Variants in RNF157 observed in about 807,000 individuals in gnomAD.
The protein encoded by RNF157 is ring finger protein 157, also known as E3 ubiquitin ligase RNF157.
In RNF157, 55 loss-of-function variants were observed where a neutral mutation model predicts 88.3. The observed-to-expected ratio is 0.62, with a 90% CI of 0.50 to 0.78. The LOEUF is 0.78. Among genes scored for constraint, RNF157 ranks in the 30% least tolerant of loss-of-function variants. The pLI is 0.00. For missense variants in RNF157, 788 were observed against 860.8 expected, an observed-to-expected ratio of 0.92 and a Z score of 1.06; for synonymous variants, 334 against 341.2, an observed-to-expected ratio of 0.98 and a Z score of 0.23.
intron 2 of RNF157, among the ~76,000 whole-genome samples, chr17:76,208,062 T>C (rs1283271039): frequency 6.6e-6 from 1 of 152,006 alleles, no homozygotes; most frequent in Non-Finnish European, 1.5e-5. Flanking sequence ...ACTAGAGGCA[T>C]GCACCACCAC....
At chr17:76,209,952 G>A (rs1014882097) in intron 2 of RNF157, among the ~76,000 whole-genome samples, 8 of 152,000 alleles carry the variant, frequency 5.3e-5, no homozygotes, top group Non-Finnish European at 7.4e-5. Context: ...TAGAGATGGG[G>A]TTTCACCACA....
At chr17:76,208,097 T>C (rs1457239279) in intron 2 of RNF157, among the ~76,000 whole-genome samples, 4 of 152,094 alleles carry the variant, frequency 2.6e-5, no homozygotes, top group Non-Finnish European at 5.9e-5. Flanking sequence ...TATCATTTTA[T>C]ATTTTGTAGA....
intron 2 of RNF157, among the ~76,000 whole-genome samples, chr17:76,211,712 G>A (rs984482240): frequency 2.0e-5 from 3 of 152,144 alleles, no homozygotes; most frequent in African/African-American, 7.2e-5. Context: ...ATGGAACAGG[G>A]GTCTCTAGGA....
intron 2 of RNF157, among the ~76,000 whole-genome samples, chr17:76,199,640 T>G (rs943904728): frequency 2.1e-4 from 32 of 150,808 alleles, no homozygotes; most frequent in African/African-American, 7.3e-4. Flanking sequence ...GTATAAACAC[T>G]GATTCAACTT....
At position 76,234,755 on chromosome 17, in the gene RNF157, T is replaced by C. The variant is rs113504427; in HGVS notation, c.88+5398A>G. Among the ~76,000 whole-genome samples the C allele has an allele frequency of 5.7e-3, 863 of 152,344 alleles. 7 individuals carry two copies. Among genetic ancestry groups the C allele is most frequent in the African/African-American group, 0.019 (807 of 41,580 alleles). On this transcript the variant is annotated intron_variant, in intron 1 of 18. Coordinates refer to ENST00000269391, the MANE Select transcript of RNF157 (RefSeq NM_052916.3). ...ATATGAGTTCCTTATATATTCTAGA[T>C]ACAAATTCTTGTCATACCTATGATT...
intron 2 of RNF157, among the ~76,000 whole-genome samples, chr17:76,204,398 C>T (rs1056781085): frequency 3.3e-4 from 50 of 152,180 alleles, no homozygotes; most frequent in African/African-American, 1.2e-3. Flanking sequence ...CTCGTAGAAC[C>T]TATCACAGTC....
intron 17 of RNF157, chr17:76,153,988 G>A: frequency 3.0e-6 from 1 of 329,072 alleles, no homozygotes; most frequent in Non-Finnish European, 5.7e-6. Flanking sequence ...GATGATGGGA[G>A]CTGCTTAGAG....
chr17:76,190,130 C>T (rs1315018697), intron 2 of RNF157, among the ~76,000 whole-genome samples: 1 of 151,438 alleles, frequency 6.6e-6, no homozygotes, highest in Non-Finnish European at 1.5e-5. Context: ...ACTTATTACC[C>T]TTACTTCTGT....
chr17:76,151,508 G>A (rs1247231023), intron 18 of RNF157, among the ~76,000 whole-genome samples: 1 of 152,228 alleles, frequency 6.6e-6, no homozygotes, highest in Non-Finnish European at 1.5e-5. Context: ...GAATGTTTAA[G>A]AGGATTCAAA....
intron 18 of RNF157, among the ~76,000 whole-genome samples, chr17:76,150,204 A>C (rs1427459097): frequency 6.6e-6 from 1 of 152,012 alleles, no homozygotes; most frequent in Non-Finnish European, 1.5e-5. Context: ...TCTGGTGAGG[A>C]TATAATGGGA....
chr17:76,205,723 C>CTAAATAAATAAATAAATAAA (rs35839727), intron 2 of RNF157, among the ~76,000 whole-genome samples: 116 of 146,816 alleles, frequency 7.9e-4, no homozygotes, highest in African/African-American at 2.5e-3. Context: ...GACTCCATCT[C>CTAAATAAATAAATAAATAAA]TAAATAAATA....
At chr17:76,180,917 C>A (rs1399396748) in intron 2 of RNF157, among the ~76,000 whole-genome samples, 4 of 152,176 alleles carry the variant, frequency 2.6e-5, no homozygotes, top group Non-Finnish European at 4.4e-5. Context: ...GCCCCTCTCA[C>A]CAGCCTGTAA....
chr17:76,166,236 A>G (rs1472042263), intron 6 of RNF157, among the ~76,000 whole-genome samples: 1 of 152,126 alleles, frequency 6.6e-6, no homozygotes, highest in African/African-American at 2.4e-5. Flanking sequence ...CGGCCTCCCA[A>G]ACTGCTGGGA....
intron 8 of RNF157, 137 bp downstream of exon 8, chr17:76,164,611 T>TA (rs370597314): frequency 0.038 from 15,065 of 397,602 alleles, 1 homozygote; most frequent in East Asian, 0.049. Context: ...CTTCTTTGAT[T>TA]AAAAAAAAAA....
Position 76,156,217 on chromosome 17 carries a change from G to C in RNF157, c.1518C>G (p.Ser506=), listed in dbSNP as rs774475453. The part of the protein sequence containing the change: ...TGTPLSSTIS[S]PEGPASSSLA... ...TCCCCGCTCCTTATGTACCTTCTGG[G>C]GAGGAAATAGTGGATGACAGAGGCG... is the stretch of plus-strand genomic sequence containing the variant. The change falls in exon 14 of 19, where the codon TCC becomes TCG. Residue 506 remains serine, a synonymous_variant. Transcript: ENST00000269391. 1.2e-6 allele frequency: 2 copies of C among 1,613,016 alleles called. No homozygotes were observed. The highest frequency in any genetic ancestry group is 2.2e-5 in the South Asian group (2 of 91,060).
chr17:76,159,223 G>T, intron 12 of RNF157, 112 bp downstream of exon 12: 1 of 901,156 alleles, frequency 1.1e-6, no homozygotes, highest in Non-Finnish European at 1.8e-6. Flanking sequence ...TCTGGGAACA[G>T]CCCAGAGGGT....
At position 76,161,891 on chromosome 17, in the gene RNF157, C is replaced by T. The variant is rs1568030067; in HGVS notation, c.904G>A (p.Ala302Thr). Residue 302 changes from alanine to threonine, a missense_variant, in exon 10 of 19, where the codon GCA (alanine) becomes ACA (threonine). Coordinates refer to ENST00000269391, the MANE Select transcript of RNF157 (RefSeq NM_052916.3). The surrounding 1 kb of genome is among the most constrained non-coding windows in gnomAD (Gnocchi z 4.6). ...TTGGCCTGGTAGCGCAGCGTGTCTG[C>T]ACAGGTGTTACAGAGGCAGAGGTGG... is the stretch of plus-strand genomic sequence containing the variant. Reference protein sequence around the residue: ...CRHLCLCNTCADTLRYQANNC... With the variant: ...CRHLCLCNTCTDTLRYQANNC... 6.2e-7 allele frequency: 1 copy of T among 1,614,242 alleles called. No homozygotes were observed. Among genetic ancestry groups the T allele is most frequent in the Non-Finnish European group, 8.5e-7 (1 of 1,180,050 alleles).
chr17:76,216,724 C>T (rs1373791834), intron 1 of RNF157, among the ~76,000 whole-genome samples: 9 of 151,586 alleles, frequency 5.9e-5, no homozygotes, highest in East Asian at 1.9e-4. Flanking sequence ...ACCCTTGTCT[C>T]GACAAAAAAT....
chr17:76,167,573 G>A (rs2068947750), intron 4 of RNF157, 78 bp downstream of exon 4: 1 of 1,588,858 alleles, frequency 6.3e-7, no homozygotes, highest in Non-Finnish European at 8.6e-7. Context: ...ATCTTACCTG[G>A]TAATACCATT....
Sources: gnomAD v4.1 joint callset for allele counts (sites outside exome capture counted in the v4.1 genomes callset) on GRCh38, gnomAD v4.1.1 for gene constraint, Gnocchi (gnomAD v3.1) non-coding constraint, MANE v1.5 for transcripts, NCBI Gene and HGNC (gene_info 2026-07-23, HGNC 2026-07-21) for gene names.